The following MCF2L2 variants were observed in gnomAD, a reference collection of about 807,000 sequenced individuals.
The protein encoded by MCF2L2 is MCF.2 cell line derived transforming sequence-like 2, also known as probable guanine nucleotide exchange factor MCF2L2.
In MCF2L2, 102 loss-of-function variants were observed where a neutral mutation model predicts 150.2. The observed-to-expected ratio is 0.68, with a 90% CI of 0.58 to 0.80. The LOEUF (loss-of-function observed/expected upper bound fraction) is 0.80, where lower values mean the gene tolerates loss of function less well. Among genes scored for constraint, MCF2L2 ranks in the 30% least tolerant of loss-of-function variants. The pLI is 0.00. For synonymous variants in MCF2L2, 465 were observed against 491.3 expected (o/e 0.95, Z 0.71); for missense variants, 1,256 against 1,372.8 (o/e 0.91, Z 1.34).
intron 15 of MCF2L2, chr3:183,269,926 T>C (rs1187775568): frequency 6.2e-7 from 1 of 1,614,182 alleles, no homozygotes; most frequent in Non-Finnish European, 8.5e-7. Context: ...GTGAGCCATA[T>C]GAAGTCATAT....
At chr3:183,331,125 C>A (rs1730256779) in intron 5 of MCF2L2, among the ~76,000 whole-genome samples, 1 of 152,194 alleles carries the variant, frequency 6.6e-6, no homozygotes, top group Non-Finnish European at 1.5e-5. Flanking sequence ...GTTTACCTTG[C>A]CCTAAGTCAT....
rs375844872 is a variant in MCF2L2 at position 183,207,590 on chromosome 3, C to T, written c.2712+18G>A. 3.0e-4 allele frequency: 470 copies of T among 1,574,934 alleles called. No homozygotes were observed. Among genetic ancestry groups the T allele is most frequent in the Non-Finnish European group, 3.9e-4 (444 of 1,145,120 alleles). On this transcript the variant is annotated intron_variant, in intron 23 of 29. Transcript: ENST00000328913. ...TTCTGCATAGGGCGACTCCCAGATG[C>T]AATAGGACTCCCTTTACCTTCATGG...
intron 15 of MCF2L2, among the ~76,000 whole-genome samples, chr3:183,275,617 C>G (rs1182742817): frequency 6.6e-6 from 1 of 151,246 alleles, no homozygotes. Flanking sequence ...TGTTTTTTTT[C>G]TTCCTCTTTG....
At chr3:183,351,190 G>GTA (rs60311053) in intron 3 of MCF2L2, among the ~76,000 whole-genome samples, 584 of 38,658 alleles carry the variant, frequency 0.015, 11 homozygotes, top group Non-Finnish European at 0.02. Flanking sequence ...ATTTTCTTAA[G>GTA]TATATATATA....
At chr3:183,383,887 A>G (rs1427990749) in intron 2 of MCF2L2, among the ~76,000 whole-genome samples, 1 of 152,164 alleles carries the variant, frequency 6.6e-6, no homozygotes, top group Non-Finnish European at 1.5e-5. Flanking sequence ...AGTTTGTTCA[A>G]ATGACTGTGA....
At chr3:183,362,259 C>T (rs1459413297) in intron 3 of MCF2L2, among the ~76,000 whole-genome samples, 1 of 152,124 alleles carries the variant, frequency 6.6e-6, no homozygotes. Flanking sequence ...TGCACACCAC[C>T]ACACCCGGTT....
intron 21 of MCF2L2, among the ~76,000 whole-genome samples, chr3:183,218,281 G>A (rs75314828): frequency 6.6e-6 from 1 of 152,196 alleles, no homozygotes; most frequent in African/African-American, 2.4e-5. Context: ...AAGAAGCTTC[G>A]CTTCCTGGTA....
chr3:183,194,494 C>T (rs684174), intron 26 of MCF2L2, among the ~76,000 whole-genome samples: 70,356 of 151,950 alleles, frequency 0.46, 16,792 homozygotes, highest in Middle Eastern at 0.55. Flanking sequence ...GAGGGGAAGC[C>T]GGAGGAGGTA....
intron 5 of MCF2L2, among the ~76,000 whole-genome samples, chr3:183,325,338 G>A (rs1319925670): frequency 1.3e-5 from 2 of 152,116 alleles, no homozygotes; most frequent in African/African-American, 4.8e-5. Context: ...CTGTTCTAGA[G>A]AGACTCAGGC....
chr3:183,422,520 G>A (rs965357976), intron 1 of MCF2L2, among the ~76,000 whole-genome samples: 11 of 152,188 alleles, frequency 7.2e-5, no homozygotes, highest in Non-Finnish European at 4.4e-5. Context: ...TCTGTCCTAT[G>A]AATGGGGGCT....
At chr3:183,323,469 C>A in intron 5 of MCF2L2, 118 bp from the exon 6 acceptor site, 1 of 406,788 alleles carries the variant, frequency 2.5e-6, no homozygotes, top group South Asian at 6.2e-5. Context: ...AATGATACTC[C>A]AACTTTGCTT....
intron 22 of MCF2L2, among the ~76,000 whole-genome samples, chr3:183,208,436 A>G (rs1027799863): frequency 3.9e-5 from 6 of 152,332 alleles, no homozygotes; most frequent in Middle Eastern, 6.8e-3. Flanking sequence ...ATAATACCAA[A>G]TGACAGATTT....
intron 2 of MCF2L2, 48 bp from the exon 3 acceptor site, chr3:183,379,459 C>T (rs180673371): frequency 4.5e-5 from 59 of 1,307,132 alleles, no homozygotes; most frequent in Middle Eastern, 1.8e-4. Flanking sequence ...GTTGTCCTGT[C>T]ACACCTCTGC....
intron 21 of MCF2L2, among the ~76,000 whole-genome samples, chr3:183,216,552 TTATATATATATA>T (rs1302056111): frequency 0.032 from 1,041 of 33,042 alleles, 28 homozygotes; most frequent in African/African-American, 0.065. Flanking sequence ...AGTATATATA[TTATATATATATA>T]TATATATATA....
chr3:183,194,353 G>A (rs1722011185), intron 26 of MCF2L2, among the ~76,000 whole-genome samples: 1 of 152,212 alleles, frequency 6.6e-6, no homozygotes, highest in African/African-American at 2.4e-5. Context: ...GTAAGTCGCA[G>A]TAATAGATGA....
At chr3:183,240,370 A>C (rs1560361262) in intron 15 of MCF2L2, among the ~76,000 whole-genome samples, 1 of 152,124 alleles carries the variant, frequency 6.6e-6, no homozygotes, top group Non-Finnish European at 1.5e-5. Context: ...GCTGGGGTTA[A>C]AGTTGCCTGC....
At chr3:183,402,286 GCA>G (rs1491395222) in intron 1 of MCF2L2, among the ~76,000 whole-genome samples, 19 of 149,740 alleles carry the variant, frequency 1.3e-4, no homozygotes, top group Non-Finnish European at 2.4e-4. Flanking sequence ...TACTAAAAAT[GCA>G]AAAAAAAATT....
At chr3:183,415,640 TTTTTG>T (rs748387431) in intron 1 of MCF2L2, among the ~76,000 whole-genome samples, 33 of 152,362 alleles carry the variant, frequency 2.2e-4, no homozygotes, top group Non-Finnish European at 3.8e-4. Flanking sequence ...CTAGTGACTT[TTTTTG>T]TTTTAAGTCT....
chr3:183,360,125 T>C (rs1273087120), intron 3 of MCF2L2, among the ~76,000 whole-genome samples: 1 of 152,158 alleles, frequency 6.6e-6, no homozygotes, highest in Admixed American at 6.5e-5. Context: ...GGTGAAAATG[T>C]GTAATGGGCT....
Sources: allele counts gnomAD v4.1 joint callset (sites outside exome capture counted in the v4.1 genomes callset), GRCh38; gene constraint gnomAD v4.1.1; transcripts MANE v1.5; gene names NCBI Gene and HGNC (gene_info 2026-07-23, HGNC 2026-07-21).